NLGN1: variants seen among roughly 807,000 people sequenced by gnomAD.
The protein encoded by NLGN1 is neuroligin 1.
Under a neutral mutation model 65.5 loss-of-function variants are expected in NLGN1, and 12 were observed. The observed-to-expected ratio is 0.18, with a 90% CI of 0.12 to 0.30. The LOEUF is 0.30. Ranked by LOEUF, NLGN1 falls within the 10% of genes least tolerant of loss-of-function variation. The probability of loss-of-function intolerance (pLI) is 1.00; values close to 1 mark genes in which losing one functional copy is unlikely to be tolerated. For synonymous variants in NLGN1, 350 were observed against 359.5 expected, an observed-to-expected ratio of 0.97 and a Z score of 0.30; for missense variants, 750 against 1,007.1, an observed-to-expected ratio of 0.74 and a Z score of 3.46.
chr3:173,585,593 ATGT>A (rs1747280947), intron 2 of NLGN1, among the ~76,000 whole-genome samples: 1 of 152,028 alleles, frequency 6.6e-6, no homozygotes, highest in African/African-American at 2.4e-5. Flanking sequence ...CTGGCCACAC[ATGT>A]TGTCTTGTAA....
At chr3:174,226,885 C>T (rs1389639926) in intron 4 of NLGN1, among the ~76,000 whole-genome samples, 1 of 152,066 alleles carries the variant, frequency 6.6e-6, no homozygotes, top group East Asian at 1.9e-4. Flanking sequence ...ATGACTTTTT[C>T]CATTTGCCCC....
intron 4 of NLGN1, among the ~76,000 whole-genome samples, chr3:173,981,676 A>G (rs191895020): frequency 6.6e-6 from 1 of 152,236 alleles, no homozygotes; most frequent in East Asian, 1.9e-4. Context: ...ATATAGAGAA[A>G]TATCTTATAC....
At chr3:173,935,568 C>T (rs1219234415) in intron 4 of NLGN1, among the ~76,000 whole-genome samples, 1 of 150,330 alleles carries the variant, frequency 6.7e-6, no homozygotes, top group African/African-American at 2.4e-5. Context: ...GTGACAGGTT[C>T]CATTTGTCAT....
intron 4 of NLGN1, among the ~76,000 whole-genome samples, chr3:174,054,632 C>T (rs557514298): frequency 5.9e-5 from 9 of 151,996 alleles, no homozygotes; most frequent in South Asian, 2.1e-4. Flanking sequence ...CCACTGTGGA[C>T]GTGTGCATGG....
intron 3 of NLGN1, among the ~76,000 whole-genome samples, chr3:173,799,298 C>T (rs560521162): frequency 6.6e-6 from 1 of 152,094 alleles, no homozygotes; most frequent in East Asian, 1.9e-4. Context: ...TGAGACTTCA[C>T]TTGCTTTTTT....
chr3:173,613,086 A>G (rs1421261601), intron 3 of NLGN1, among the ~76,000 whole-genome samples: 1 of 152,156 alleles, frequency 6.6e-6, no homozygotes, highest in South Asian at 2.1e-4. Flanking sequence ...GGACTTTAAC[A>G]TATAGAATTT....
chr3:174,192,449 T>A (rs1732574293), intron 4 of NLGN1, among the ~76,000 whole-genome samples: 1 of 152,216 alleles, frequency 6.6e-6, no homozygotes, highest in Admixed American at 6.6e-5. Context: ...TCAGAGATTC[T>A]ATGCAGATGT....
intron 2 of NLGN1, among the ~76,000 whole-genome samples, chr3:173,578,034 A>G (rs1410210647): frequency 1.3e-5 from 2 of 152,118 alleles, no homozygotes; most frequent in Non-Finnish European, 2.9e-5. Flanking sequence ...CAGGAGATCA[A>G]TACCATCCTG....
chr3:173,671,852 T>C lies in NLGN1; in HGVS notation c.493+66761T>C, dbSNP rs555966087. Among the ~76,000 whole-genome samples the C allele has an allele frequency of 3.9e-5, 6 of 152,262 alleles. No individual in the cohort carries two copies. In the East Asian group the frequency reaches 1.2e-3, roughly 29 times the overall value. ...AATGTTATTTTTAATGCAGAATGAGTACTTCGTGCTCATAAGAATTCAAAT... is the reference window on the plus strand; with the variant it reads ...AATGTTATTTTTAATGCAGAATGAGCACTTCGTGCTCATAAGAATTCAAAT... On this transcript the variant is annotated intron_variant, in intron 3 of 6. Transcript: ENST00000457714.
At chr3:173,919,065 C>G (rs149844286) in intron 4 of NLGN1, among the ~76,000 whole-genome samples, 2 of 152,162 alleles carry the variant, frequency 1.3e-5, no homozygotes. Flanking sequence ...TCTCCTACCT[C>G]TCTCCTTTTC....
chr3:173,406,368 G>T (rs1718659308), intron 1 of NLGN1, among the ~76,000 whole-genome samples: 1 of 151,312 alleles, frequency 6.6e-6, no homozygotes, highest in East Asian at 1.9e-4. Context: ...AGAGAAAATT[G>T]ACAGGTAAAA....
chr3:174,039,229 A>G (rs893952600), intron 4 of NLGN1, among the ~76,000 whole-genome samples: 8 of 151,518 alleles, frequency 5.3e-5, no homozygotes, highest in African/African-American at 1.9e-4. Flanking sequence ...AACATAATAT[A>G]TATATATAAA....
At chr3:173,709,999 T>C (rs1474309640) in intron 3 of NLGN1, among the ~76,000 whole-genome samples, 1 of 152,090 alleles carries the variant, frequency 6.6e-6, no homozygotes, top group Non-Finnish European at 1.5e-5. Context: ...TACCCATATA[T>C]TGAAAATTAA....
intron 4 of NLGN1, 26 bp from the exon 5 acceptor site, chr3:174,275,289 G>T (rs111894926): frequency 6.4e-7 from 1 of 1,559,656 alleles, no homozygotes; most frequent in Non-Finnish European, 8.8e-7. Flanking sequence ...AGCTCAAAAC[G>T]TGTTTTCTAA....
At chr3:173,837,205 T>A (rs536254091) in intron 4 of NLGN1, among the ~76,000 whole-genome samples, 2 of 152,298 alleles carry the variant, frequency 1.3e-5, no homozygotes, top group Non-Finnish European at 1.5e-5. Flanking sequence ...ATTTTCATTC[T>A]TAATTCATCT....
intron 4 of NLGN1, among the ~76,000 whole-genome samples, chr3:174,146,543 ATTCT>A (rs1467521918): frequency 2.0e-5 from 3 of 151,970 alleles, no homozygotes; most frequent in Non-Finnish European, 4.4e-5. Context: ...TTCAAATAAA[ATTCT>A]TTATAAAATA....
chr3:173,942,105 TG>T (rs201025995), intron 4 of NLGN1, among the ~76,000 whole-genome samples: 1 of 137,094 alleles, frequency 7.3e-6, no homozygotes, highest in Non-Finnish European at 1.6e-5. Context: ...TATTGGTGGT[TG>T]GGGGTGTGTG....
At chr3:173,476,494 T>C (rs1329090866) in intron 2 of NLGN1, among the ~76,000 whole-genome samples, 1 of 152,146 alleles carries the variant, frequency 6.6e-6, no homozygotes, top group African/African-American at 2.4e-5. Flanking sequence ...CACTGGAATG[T>C]AGGTTTCAGA....
intron 2 of NLGN1, among the ~76,000 whole-genome samples, chr3:173,509,335 A>G (rs561035822): frequency 1.3e-5 from 2 of 152,210 alleles, no homozygotes; most frequent in South Asian, 2.1e-4. Context: ...GCTTTTTTCC[A>G]TATATAGTTC....
Sources: allele counts gnomAD v4.1 joint callset (sites outside exome capture counted in the v4.1 genomes callset), GRCh38; gene constraint gnomAD v4.1.1; transcripts MANE v1.5; gene names NCBI Gene and HGNC (gene_info 2026-07-23, HGNC 2026-07-21).